AGO1: variants seen among roughly 807,000 people sequenced by gnomAD.
The protein encoded by AGO1 is protein argonaute-1.
A neutral mutation model predicts 109.2 loss-of-function variants in AGO1; 11 were observed. That is an observed-to-expected ratio of 0.10 (90% CI 0.06 to 0.17). AGO1 has a LOEUF of 0.17. Among genes scored for constraint, AGO1 ranks in the 10% least tolerant of loss-of-function variants. The probability of loss-of-function intolerance (pLI) is 1.00; values close to 1 mark genes in which losing one functional copy is unlikely to be tolerated. For missense variants in AGO1, 574 were observed against 1,140.3 expected, an observed-to-expected ratio of 0.50 and a Z score of 7.15; for synonymous variants, 422 against 418.6, an observed-to-expected ratio of 1.01 and a Z score of -0.10.
chr1:35,874,702 G>A (rs556519544), intron 1 of AGO1, among the ~76,000 whole-genome samples: 54 of 152,304 alleles, frequency 3.5e-4, no homozygotes, highest in African/African-American at 1.2e-3. Context: ...AAGCTGAGAA[G>A]GCCAAAAGTT....
At position 35,901,640 on chromosome 1, in the gene AGO1, A is replaced by G; in HGVS notation, c.1140+47A>G. 6.2e-7 allele frequency: 1 copy of G among 1,612,708 alleles called. No homozygotes were observed. The highest frequency in any genetic ancestry group is 8.5e-7 in the Non-Finnish European group (1 of 1,179,312). Reference sequence around the variant, plus strand: ...CTCAGTCATTGGGGCCATTGGTAGCATAAATGTTTTAATGCCCCAGCAGGA... The same window carrying G: ...CTCAGTCATTGGGGCCATTGGTAGCGTAAATGTTTTAATGCCCCAGCAGGA... On this transcript the variant is annotated intron_variant, in intron 9 of 18. Coordinates refer to ENST00000373204, the MANE Select transcript of AGO1 (RefSeq NM_012199.5). This position sits in a 1 kb window ranked among gnomAD's most constrained non-coding sequence, Gnocchi z 4.8.
chr1:35,904,108 CTTTTTTTTTTTTT>C (rs1198233881), intron 11 of AGO1, among the ~76,000 whole-genome samples: 1 of 110,978 alleles, frequency 9.0e-6, no homozygotes, highest in African/African-American at 4.1e-5. Flanking sequence ...TTCCTGAGCT[CTTTTTTTTTTTTT>C]TTTTTTTTGA....
rs1458897172 is a variant in AGO1 at position 35,892,406 on chromosome 1, A to T, written c.210-151A>T. The T allele has an allele frequency of 2.1e-5, 21 of 997,036 alleles. No individual in the cohort carries two copies. The East Asian group carries it at 5.1e-4, about 24-fold the overall frequency. 61.8% of individuals were successfully genotyped at this position (997,036 alleles called of 1,614,324 possible). A position where few individuals can be genotyped will look rare whatever the true frequency, so the allele number is the denominator to read the frequency against. ...TTTTAATAAAATCTCCAGGTGATTC[A>T]TAGGAATATTAAAGTTTGAGAAGCA... On this transcript the variant is annotated intron_variant, in intron 2 of 18. Transcript: ENST00000373204.
chr1:35,910,409 C>T (rs1645610997), intron 12 of AGO1, among the ~76,000 whole-genome samples: 1 of 151,610 alleles, frequency 6.6e-6, no homozygotes, highest in Non-Finnish European at 1.5e-5. Context: ...TTAATGTAAA[C>T]TTTTTATTAA....
At chr1:35,896,516 G>A (rs989595406) in intron 8 of AGO1, among the ~76,000 whole-genome samples, 18 of 152,090 alleles carry the variant, frequency 1.2e-4, no homozygotes, top group African/African-American at 3.9e-4. Context: ...GTGCGCCACC[G>A]TGCCCAGATA....
chr1:35,893,493 C>A lies in AGO1; in HGVS notation c.513-181C>A. 1 of 811,516 alleles carries A rather than the reference C, an allele frequency of 1.2e-6. No individual in the cohort carries two copies. Among genetic ancestry groups the A allele is most frequent in the South Asian group, 1.9e-5 (1 of 53,482 alleles). 50.3% of individuals were successfully genotyped at this position (811,516 alleles called of 1,614,324 possible). ...ATCTTTGGGCCTCATCCCATCTGTCCCTGCAGGGCAGAGAGAAGGTAGAAA... is the reference window on the plus strand; with the variant it reads ...ATCTTTGGGCCTCATCCCATCTGTCACTGCAGGGCAGAGAGAAGGTAGAAA... On this transcript the variant is annotated intron_variant, in intron 4 of 18. Coordinates refer to ENST00000373204, the MANE Select transcript of AGO1 (RefSeq NM_012199.5). This position sits in a 1 kb window ranked among gnomAD's most constrained non-coding sequence, Gnocchi z 5.6.
upstream of AGO1, among the ~76,000 whole-genome samples, chr1:35,882,426 C>T (rs900393221): frequency 6.6e-6 from 1 of 152,094 alleles, no homozygotes; most frequent in Non-Finnish European, 1.5e-5. The surrounding 1 kb of genome is among the most constrained non-coding windows in gnomAD (Gnocchi z 5.1). Flanking sequence ...GCAGAAGATG[C>T]CGCAGCCAAG....
chr1:35,894,733 C>G (rs1192015621), intron 7 of AGO1, among the ~76,000 whole-genome samples: 1 of 152,184 alleles, frequency 6.6e-6, no homozygotes, highest in African/African-American at 2.4e-5. Context: ...AGCGAGGCTC[C>G]TGGGCTCCTT....
At chr1:35,890,881 A>T (rs1471851205) in intron 2 of AGO1, among the ~76,000 whole-genome samples, 1 of 152,206 alleles carries the variant, frequency 6.6e-6, no homozygotes, top group Non-Finnish European at 1.5e-5. Context: ...GTGAAGTTGA[A>T]TATATTTTCG....
chr1:35,910,815 A>G (rs1312744748), intron 12 of AGO1, among the ~76,000 whole-genome samples: 3 of 152,182 alleles, frequency 2.0e-5, no homozygotes, highest in African/African-American at 7.2e-5. Context: ...CTGTAAACCT[A>G]GCACTTTGGG....
chr1:35,887,961 C>T (rs1195855628), intron 1 of AGO1, among the ~76,000 whole-genome samples: 2 of 152,134 alleles, frequency 1.3e-5, no homozygotes, highest in Admixed American at 6.6e-5. Context: ...GGATCTTATT[C>T]CTGCCCACCT....
Position 35,893,195 on chromosome 1 carries a change from G to A in AGO1, c.429G>A (p.Glu143=), listed in dbSNP as rs1645252872. 3 of 1,614,026 alleles carry A rather than the reference G, an allele frequency of 1.9e-6. No homozygotes were observed. The East Asian group carries it at 6.7e-5, about 36-fold the overall frequency. The change falls in exon 4 of 19, where the codon GAG becomes GAA. Residue 143 remains glutamate (E), a synonymous_variant. Coordinates refer to ENST00000373204, the MANE Select transcript of AGO1 (RefSeq NM_012199.5). The surrounding 1 kb of genome is among the most constrained non-coding windows in gnomAD (Gnocchi z 5.6). Reference sequence around the variant, plus strand: ...TTGTGAGCTGGCGAATGCTGCATGAGGCCCTGGTCAGCGGCCAGATCCCTG... The same window carrying A: ...TTGTGAGCTGGCGAATGCTGCATGAAGCCCTGGTCAGCGGCCAGATCCCTG... ...LAIVSWRMLH[E]ALVSGQIPVP...
chr1:35,900,944 G>T (rs1461104600), intron 8 of AGO1, among the ~76,000 whole-genome samples: 5 of 150,616 alleles, frequency 3.3e-5, no homozygotes, highest in Non-Finnish European at 7.4e-5. Flanking sequence ...TGAGACCTGA[G>T]CCCAGATCTG....
intron 2 of AGO1, among the ~76,000 whole-genome samples, chr1:35,890,180 G>A (rs1043792324): frequency 2.0e-5 from 3 of 150,560 alleles, no homozygotes; most frequent in Admixed American, 6.6e-5. Flanking sequence ...CCACCACCAC[G>A]CCTGGCTAAT....
chr1:35,878,303 T>G (rs1645008490), upstream of AGO1, among the ~76,000 whole-genome samples: 1 of 151,790 alleles, frequency 6.6e-6, no homozygotes, highest in Non-Finnish European at 1.5e-5. Context: ...GCCAGGACAG[T>G]CTCAATCTCC....
intron 12 of AGO1, among the ~76,000 whole-genome samples, chr1:35,908,469 G>A (rs76848987): frequency 0.015 from 2,265 of 152,250 alleles, 48 homozygotes; most frequent in African/African-American, 0.05. Flanking sequence ...ACCCTCTGCA[G>A]CTTTGGTCTG....
Position 35,919,569 on chromosome 1 carries a change from G to A in AGO1, c.2536G>A (p.Val846Ile), listed in dbSNP as rs759554925. The A allele has an allele frequency of 1.2e-6, 2 of 1,614,166 alleles. No homozygotes were observed. Among genetic ancestry groups the A allele is most frequent in the Non-Finnish European group, 1.7e-6 (2 of 1,180,008 alleles). ...CCAGGCCCTGGCCAAAGCCGTGCAG[G>A]TTCACCAGGATACTCTGCGCACCAT... ...DPQALAKAVQVHQDTLRTMYF... is the reference protein window; with the variant it reads ...DPQALAKAVQIHQDTLRTMYF... Residue 846 changes from valine (V) to isoleucine (I), a missense_variant, in exon 19 of 19, where the codon GTT (valine) becomes ATT (isoleucine). This residue lies in a region of AGO1 where 33 missense variants were observed against 44.2 expected (regional missense o/e 0.75). Coordinates refer to ENST00000373204, the MANE Select transcript of AGO1 (RefSeq NM_012199.5). This position sits in a 1 kb window ranked among gnomAD's most constrained non-coding sequence, Gnocchi z 6.6.
chr1:35,923,708 G>A lies in AGO1; in HGVS notation c.*4101G>A, dbSNP rs1645874429. 6.6e-6 allele frequency: 1 copy of A among 152,598 alleles called. No homozygotes were observed. The highest frequency in any genetic ancestry group is 2.4e-5 in the African/African-American group (1 of 41,436). 9.5% of individuals were successfully genotyped at this position (152,598 alleles called of 1,614,324 possible). ...CTCCCTGGGCAGGGAGAGAGGCTGG[G>A]TTGGTGCTCTCCCTTACTCTACTCA... On this transcript the variant is annotated 3_prime_UTR_variant, in exon 19 of 19. Transcript: ENST00000373204.
At chr1:35,905,516 G>A (rs901352024) in intron 11 of AGO1, among the ~76,000 whole-genome samples, 2 of 152,046 alleles carry the variant, frequency 1.3e-5, no homozygotes, top group African/African-American at 4.8e-5. Context: ...TGCCCAGGCT[G>A]GAGTGCAGTG....
Sources: gnomAD v4.1 joint callset for allele counts (sites outside exome capture counted in the v4.1 genomes callset) on GRCh38, gnomAD v4.1.1 for gene constraint, gnomAD v4.1.1 regional missense constraint, Gnocchi (gnomAD v3.1) non-coding constraint, MANE v1.5 for transcripts, NCBI Gene and HGNC (gene_info 2026-07-23, HGNC 2026-07-21) for gene names.